The following DERA variants were observed in gnomAD, a reference collection of about 807,000 sequenced individuals.
DERA encodes 2-deoxy-D-ribose 5-phosphate aldolase.
DERA carries 15 observed loss-of-function variants against 41.1 expected under a neutral mutation model. That is an observed-to-expected ratio of 0.37 (90% CI 0.24 to 0.56). The LOEUF is 0.56. Ranked by LOEUF, DERA falls within the 20% of genes least tolerant of loss-of-function variation. The pLI is 0.81. For synonymous variants in DERA, 139 were observed against 137.4 expected (o/e 1.01, Z -0.08); for missense variants, 396 against 403.4 (o/e 0.98, Z 0.16).
chr12:16,020,555 A>C lies in DERA; in HGVS notation c.638-11987A>C, dbSNP rs1949011754. ...GATACCAGGAGTGGTGTGTTGCTATAAAGATAGCTGAAAATGTGGGAGCAG... is the reference window on the plus strand; with the variant it reads ...GATACCAGGAGTGGTGTGTTGCTATCAAGATAGCTGAAAATGTGGGAGCAG... On this transcript the variant is annotated intron_variant, in intron 6 of 8. Transcript: ENST00000428559. This position sits in a 1 kb window ranked among gnomAD's most constrained non-coding sequence, Gnocchi z 5.5. 6.6e-6 allele frequency among the ~76,000 whole-genome samples: 1 copy of C among 152,212 alleles called. No homozygotes were observed. The highest frequency in any genetic ancestry group is 2.4e-5 in the African/African-American group (1 of 41,454).
intron 4 of DERA, 146 bp from the exon 5 acceptor site, chr12:15,962,667 G>A (rs1332640063): frequency 3.3e-6 from 2 of 603,606 alleles, no homozygotes; most frequent in East Asian, 5.7e-5. Flanking sequence ...TCAGTGCATT[G>A]GTCTTTAAAT....
At chr12:15,947,526 C>A (rs2136140350) in intron 1 of DERA, among the ~76,000 whole-genome samples, 1 of 152,250 alleles carries the variant, frequency 6.6e-6, no homozygotes, top group South Asian at 2.1e-4. Flanking sequence ...AATAGGATTG[C>A]AACCCCTGCC....
At position 16,003,798 on chromosome 12, in the gene DERA, C is replaced by T. The variant is rs1161305857; in HGVS notation, c.637+21362C>T. Among the ~76,000 whole-genome samples the T allele has an allele frequency of 6.6e-6, 1 of 152,176 alleles. No homozygotes were observed. The highest frequency in any genetic ancestry group is 1.5e-5 in the Non-Finnish European group (1 of 68,034). The stretch of plus-strand genomic sequence containing the variant: ...CTCACTGCCCCTTCCCCGCAAAACC[C>T]TCTTTGTATCACCATCTTGAGATTC... On this transcript the variant is annotated intron_variant, in intron 6 of 8. Coordinates refer to ENST00000428559, the MANE Select transcript of DERA (RefSeq NM_015954.4). This position sits in a 1 kb window ranked among gnomAD's most constrained non-coding sequence, Gnocchi z 4.8.
intron 6 of DERA, among the ~76,000 whole-genome samples, chr12:16,025,281 A>C (rs2136186974): frequency 6.6e-6 from 1 of 152,300 alleles, no homozygotes; most frequent in Middle Eastern, 3.4e-3. Flanking sequence ...TAAAAAATCA[A>C]GATCCTACTA....
intron 6 of DERA, among the ~76,000 whole-genome samples, chr12:16,029,205 T>C (rs1054187570): frequency 2.6e-5 from 4 of 152,026 alleles, no homozygotes; most frequent in African/African-American, 9.7e-5. Context: ...GAGGCTGAGG[T>C]GGGCGGATCA....
At position 15,935,726 on chromosome 12, in the gene DERA, A is replaced by G. The variant is rs1225945344; in HGVS notation, c.32-21210A>G. Among the ~76,000 whole-genome samples, 1 of 152,114 alleles carries G rather than the reference A, an allele frequency of 6.6e-6. No homozygotes were observed. Among genetic ancestry groups the G allele is most frequent in the Non-Finnish European group, 1.5e-5 (1 of 68,020 alleles). On this transcript the variant is annotated intron_variant, in intron 1 of 8. Transcript: ENST00000428559. The surrounding 1 kb of genome is among the most constrained non-coding windows in gnomAD (Gnocchi z 4.8). ...AGAATCTTTTCATATTGGTTTCTATATGTTGTTTGTTGTTGTGTAATATAT... is the reference window on the plus strand; with the variant it reads ...AGAATCTTTTCATATTGGTTTCTATGTGTTGTTTGTTGTTGTGTAATATAT...
At chr12:15,964,999 A>T (rs1227076060) in intron 5 of DERA, among the ~76,000 whole-genome samples, 1 of 152,232 alleles carries the variant, frequency 6.6e-6, no homozygotes, top group African/African-American at 2.4e-5. Context: ...TGACCCAAAC[A>T]AATTGAAAAG....
chr12:15,987,072 A>G (rs1159954462), intron 6 of DERA, among the ~76,000 whole-genome samples: 3 of 152,006 alleles, frequency 2.0e-5, no homozygotes, highest in Non-Finnish European at 2.9e-5. Flanking sequence ...TGGTCAATCA[A>G]TATTTTCCTT....
At chr12:15,961,942 C>G (rs956996050) in intron 4 of DERA, among the ~76,000 whole-genome samples, 1 of 152,122 alleles carries the variant, frequency 6.6e-6, no homozygotes, top group Non-Finnish European at 1.5e-5. Flanking sequence ...TGGGGTTTCA[C>G]CATGTTGACC....
Position 15,998,108 on chromosome 12 carries a change from C to G in DERA, c.637+15672C>G, listed in dbSNP as rs1948851239. Reference sequence around the variant, plus strand: ...CAACCTGGGCTGCACATTAGAGTTTCCTGGCAAGCTTCTTTAATGAACTGT... The same window carrying G: ...CAACCTGGGCTGCACATTAGAGTTTGCTGGCAAGCTTCTTTAATGAACTGT... On this transcript the variant is annotated intron_variant, in intron 6 of 8. Transcript: ENST00000428559. This position sits in a 1 kb window ranked among gnomAD's most constrained non-coding sequence, Gnocchi z 4.8. 6.6e-6 allele frequency among the ~76,000 whole-genome samples: 1 copy of G among 152,146 alleles called. No individual in the cohort carries two copies. Among genetic ancestry groups the G allele is most frequent in the Non-Finnish European group, 1.5e-5 (1 of 68,038 alleles).
At chr12:15,961,232 T>C (rs1226462535) in intron 4 of DERA, among the ~76,000 whole-genome samples, 2 of 152,230 alleles carry the variant, frequency 1.3e-5, no homozygotes, top group East Asian at 3.9e-4. Flanking sequence ...TGACTTCAGA[T>C]AGACACGGTA....
At chr12:15,964,391 C>T (rs1188995336) in intron 5 of DERA, among the ~76,000 whole-genome samples, 1 of 152,192 alleles carries the variant, frequency 6.6e-6, no homozygotes, top group African/African-American at 2.4e-5. Context: ...CCCATTAATA[C>T]TCATCAACAT....
rs961185044 is a variant in DERA, at chr12:15,965,435, C to G, written c.508+2488C>G. Among the ~76,000 whole-genome samples the G allele has an allele frequency of 1.3e-5, 2 of 152,132 alleles. No individual in the cohort carries two copies. Among genetic ancestry groups the G allele is most frequent in the African/African-American group, 4.8e-5 (2 of 41,428 alleles). The stretch of plus-strand genomic sequence containing the variant: ...AGTGCCTCATGCATTAGCTATTTTC[C>G]CTAATGCACTACCTGCCTCCACCCT... On this transcript the variant is annotated intron_variant, in intron 5 of 8. Coordinates refer to ENST00000428559, the MANE Select transcript of DERA (RefSeq NM_015954.4). The surrounding 1 kb of genome is among the most constrained non-coding windows in gnomAD (Gnocchi z 4.1).
chr12:15,962,853 A>G lies in DERA; in HGVS notation c.414A>G (p.Thr138=). 3.8e-6 allele frequency: 6 copies of G among 1,563,288 alleles called. No homozygotes were observed. Among genetic ancestry groups the G allele is most frequent in the Non-Finnish European group, 3.5e-6 (4 of 1,152,562 alleles). Residue 138 remains threonine, a synonymous_variant, in exon 5 of 9, where the codon ACA becomes ACG. Coordinates refer to ENST00000428559, the MANE Select transcript of DERA (RefSeq NM_015954.4). ...GFPAGQTHLK[T]RLEEIRLAVE... ...CAGCTGGACAGACTCATTTGAAGAC[A>G]CGATTAGAAGAGATCAGATTGGCTG...
In DERA at chr12:16,004,225, T is replaced by C. The variant is rs1948894523; in HGVS notation, c.637+21789T>C. 6.6e-6 allele frequency among the ~76,000 whole-genome samples: 1 copy of C among 152,234 alleles called. No individual in the cohort carries two copies. The highest frequency in any genetic ancestry group is 2.4e-5 in the African/African-American group (1 of 41,460). The stretch of plus-strand genomic sequence containing the variant: ...TCTTTGTAGTCAAATAGCAATTTCA[T>C]ATATGCAGATAATTTGAATCTGAAT... On this transcript the variant is annotated intron_variant, in intron 6 of 8. Transcript: ENST00000428559. This position sits in a 1 kb window ranked among gnomAD's most constrained non-coding sequence, Gnocchi z 4.2.
intron 1 of DERA, among the ~76,000 whole-genome samples, chr12:15,952,040 A>T (rs1948501849): frequency 6.6e-6 from 1 of 152,022 alleles, no homozygotes; most frequent in Non-Finnish European, 1.5e-5. Context: ...TACTGAGACT[A>T]CAGGCTTGCA....
chr12:15,937,334 A>C (rs1230452445), intron 1 of DERA, among the ~76,000 whole-genome samples: 2 of 152,228 alleles, frequency 1.3e-5, no homozygotes, highest in African/African-American at 4.8e-5. Flanking sequence ...AGTACTTCAG[A>C]AGCGATGCTG....
intron 4 of DERA, among the ~76,000 whole-genome samples, chr12:15,962,141 A>G (rs1948592638): frequency 6.6e-6 from 1 of 152,114 alleles, no homozygotes; most frequent in African/African-American, 2.4e-5. Context: ...ATTTTTCAAG[A>G]GTGTAGTTGT....
intron 1 of DERA, among the ~76,000 whole-genome samples, chr12:15,953,964 C>G (rs1361294701): frequency 2.0e-5 from 3 of 152,106 alleles, no homozygotes; most frequent in East Asian, 1.9e-4. Flanking sequence ...ATTTTATGAC[C>G]GCTAATGATA....
Sources: allele counts gnomAD v4.1 joint callset (sites outside exome capture counted in the v4.1 genomes callset), GRCh38; gene constraint gnomAD v4.1.1; non-coding constraint Gnocchi (gnomAD v3.1); transcripts MANE v1.5; gene names NCBI Gene and HGNC (gene_info 2026-07-23, HGNC 2026-07-21).